RP1: variants seen among roughly 807,000 people sequenced by gnomAD.
RP1 encodes the protein oxygen-regulated protein 1.
In RP1, 16 loss-of-function variants were observed where a neutral mutation model predicts 14.8. That is an observed-to-expected ratio of 1.08 (90% confidence interval 0.73 to 1.65). The LOEUF (loss-of-function observed/expected upper bound fraction) is 1.65. Ranked by LOEUF, RP1 falls within the 40% of genes most tolerant of loss-of-function variation. The pLI, the probability that RP1 is intolerant of heterozygous loss-of-function variation, is 0.00. For missense variants in RP1, 2,631 were observed against 2,535.0 expected, an observed-to-expected ratio of 1.04 and a Z score of -0.81; for synonymous variants, 876 against 883.6, an observed-to-expected ratio of 0.99 and a Z score of 0.15.
exon 18 of RP1, chr8:54,734,714 C>G (rs1808876844): frequency 1.3e-6 from 2 of 1,534,510 alleles, no homozygotes; most frequent in Non-Finnish European, 8.7e-7. Context: ...CAGAGCAGCT[C>G]TTCCTTCCAG....
chr8:54,810,579 A>G (rs1810967166), intron 24 of RP1, among the ~76,000 whole-genome samples: 1 of 152,180 alleles, frequency 6.6e-6, no homozygotes, highest in South Asian at 2.1e-4. Flanking sequence ...TTGACTGTTA[A>G]CTATTGTTCC....
chr8:54,714,140 G>A (rs1439807047), intron 15 of RP1, among the ~76,000 whole-genome samples: 1 of 152,112 alleles, frequency 6.6e-6, no homozygotes, highest in Non-Finnish European at 1.5e-5. Context: ...TGTCCAGGAT[G>A]GTCTCAAACT....
At chr8:54,831,581 T>A (rs1343653317) in intron 24 of RP1, among the ~76,000 whole-genome samples, 4 of 151,684 alleles carry the variant, frequency 2.6e-5, no homozygotes. Context: ...ATTACTGTTA[T>A]GTATTTTATT....
At chr8:54,563,063 C>T (rs1804322460) in intron 1 of RP1, among the ~76,000 whole-genome samples, 1 of 152,210 alleles carries the variant, frequency 6.6e-6, no homozygotes, top group South Asian at 2.1e-4. Context: ...AACTTTACAT[C>T]CTATCATCTG....
intron 12 of RP1, chr8:54,697,191 G>A (rs886584028): frequency 8.2e-6 from 6 of 731,134 alleles, no homozygotes; most frequent in Non-Finnish European, 1.4e-5. Context: ...CCTTTTTTTG[G>A]GGGAATTTTT....
chr8:54,638,879 CTT>C (rs1806403164), intron 3 of RP1, among the ~76,000 whole-genome samples: 1 of 113,470 alleles, frequency 8.8e-6, no homozygotes, highest in Non-Finnish European at 1.8e-5. Context: ...TTTTAATTTT[CTT>C]CTCTCTCTCT....
chr8:54,696,984 G>A, intron 12 of RP1: 2 of 1,375,232 alleles, frequency 1.5e-6, no homozygotes, highest in South Asian at 1.2e-5. Context: ...GCCTTCCCAG[G>A]GAATCATTTC....
intron 23 of RP1, among the ~76,000 whole-genome samples, chr8:54,776,764 A>G (rs1420697597): frequency 1.3e-5 from 2 of 152,180 alleles, no homozygotes; most frequent in African/African-American, 4.8e-5. Context: ...AAATGATCAC[A>G]GGGAACCTAG....
At chr8:54,754,861 T>C in exon 20 of RP1, 1 of 1,529,168 alleles carries the variant, frequency 6.5e-7, no homozygotes, top group Non-Finnish European at 8.7e-7. Flanking sequence ...AACGTATGGC[T>C]GTCTCGGATT....
At chr8:54,776,160 G>A (rs918399708) in intron 23 of RP1, among the ~76,000 whole-genome samples, 2 of 152,170 alleles carry the variant, frequency 1.3e-5, no homozygotes, top group African/African-American at 4.8e-5. Context: ...GATGTGCATA[G>A]GTTATATGCA....
At chr8:54,716,382 A>G (rs1808404520) in intron 15 of RP1, among the ~76,000 whole-genome samples, 1 of 151,250 alleles carries the variant, frequency 6.6e-6, no homozygotes, top group Non-Finnish European at 1.5e-5. Context: ...CCTTTCCCTC[A>G]TCCTTGTTTG....
rs537559355 is a variant in RP1, at chr8:54,619,245, T to C, written c.-12-1710T>C. 3.9e-5 allele frequency among the ~76,000 whole-genome samples: 6 copies of C among 152,330 alleles called. No individual in the cohort carries two copies. The South Asian group carries it at 1.2e-3, about 32-fold the overall frequency. On this transcript the variant is annotated intron_variant, in intron 1 of 3. Coordinates refer to ENST00000220676, the MANE Select transcript of RP1 (RefSeq NM_006269.2). ...AGGCTGATCTTCAAATGTTTTTTTT[T>C]CTAAGTTACATTTAAATAAGATTTG...
At chr8:54,675,315 ATT>A (rs1418654655) in intron 8 of RP1, among the ~76,000 whole-genome samples, 1 of 152,192 alleles carries the variant, frequency 6.6e-6, no homozygotes, top group Non-Finnish European at 1.5e-5. Flanking sequence ...TCACAATGAG[ATT>A]GTAAGAGTCA....
chr8:54,578,474 C>T (rs1450492708), intron 1 of RP1, among the ~76,000 whole-genome samples: 1 of 152,132 alleles, frequency 6.6e-6, no homozygotes, highest in Non-Finnish European at 1.5e-5. Flanking sequence ...TCCCAAAGTG[C>T]TAGGATTATA....
At position 54,628,699 on chromosome 8, in the gene RP1, C is replaced by T. The variant is rs768316191; in HGVS notation, c.4817C>T (p.Thr1606Ile). 8.1e-6 allele frequency: 13 copies of T among 1,614,044 alleles called. No individual in the cohort carries two copies. In the South Asian group the frequency reaches 1.3e-4, roughly 16 times the overall value. ...PDSDSEQPYKTSSDDPNDSGE... is the reference protein window; with the variant it reads ...PDSDSEQPYKISSDDPNDSGE... ...AGTGACAGTGAGCAGCCATATAAAA[C>T]ATCCAGTGATGATCCCAATGACAGT... The change falls in exon 4 of 4, where the codon ACA becomes ATA. Residue 1606 changes from threonine (T) to isoleucine (I), a missense_variant. Transcript: ENST00000220676.
At chr8:54,663,225 G>T (rs553390111) in intron 6 of RP1, among the ~76,000 whole-genome samples, 2 of 152,210 alleles carry the variant, frequency 1.3e-5, no homozygotes, top group African/African-American at 4.8e-5. Flanking sequence ...GCATCGTAGT[G>T]CTTGTGTTCA....
chr8:54,606,982 G>T (rs1049554451), intron 1 of RP1, among the ~76,000 whole-genome samples: 3 of 151,950 alleles, frequency 2.0e-5, no homozygotes, highest in Admixed American at 2.0e-4. Context: ...CTTTGCCATG[G>T]GTTCGAACCT....
Position 54,819,818 on chromosome 8 carries a change from C to T in RP1, c.3616-17632C>T, listed in dbSNP as rs184588591. On this transcript the variant is annotated intron_variant, in intron 24 of 28. Transcript: ENST00000637698. ...TCTCTCATTGTATTCTCTCACTTTCCCCTAAACAGAAAAAGCCTCTCTCTC... is the reference window on the plus strand; with the variant it reads ...TCTCTCATTGTATTCTCTCACTTTCTCCTAAACAGAAAAAGCCTCTCTCTC... Among the ~76,000 whole-genome samples, 494 of 152,224 alleles carry T rather than the reference C, an allele frequency of 3.2e-3. 2 individuals are homozygous for T. Among genetic ancestry groups the T allele is most frequent in the African/African-American group, 0.011 (472 of 41,550 alleles).
At chr8:54,783,674 C>T in exon 24 of RP1, 2 of 1,231,378 alleles carry the variant, frequency 1.6e-6, no homozygotes, top group Non-Finnish European at 2.0e-6. Context: ...CTGGGAAACA[C>T]CAGCTGTTTA....
Sources: gnomAD v4.1 joint callset for allele counts (sites outside exome capture counted in the v4.1 genomes callset) on GRCh38, gnomAD v4.1.1 for gene constraint, MANE v1.5 for transcripts, NCBI Gene and HGNC (gene_info 2026-07-23, HGNC 2026-07-21) for gene names.